The following KCNB2 variants were observed in gnomAD, a reference collection of about 807,000 sequenced individuals.
The protein encoded by KCNB2 is delayed rectifier potassium channel protein.
In KCNB2, 15 loss-of-function variants were observed where a neutral mutation model predicts 61.5. The observed-to-expected ratio is 0.24, with a 90% CI of 0.16 to 0.38. The LOEUF (loss-of-function observed/expected upper bound fraction) is 0.38, where lower values mean the gene tolerates loss of function less well. Among genes scored for constraint, KCNB2 ranks in the 10% least tolerant of loss-of-function variants. The pLI is 1.00. For synonymous variants in KCNB2, 457 were observed against 446.0 expected, an observed-to-expected ratio of 1.02 and a Z score of -0.31; for missense variants, 828 against 1,125.2, an observed-to-expected ratio of 0.74 and a Z score of 3.78.
chr8:72,900,833 T>A (rs761488549), intron 2 of KCNB2, among the ~76,000 whole-genome samples: 4 of 152,020 alleles, frequency 2.6e-5, no homozygotes, highest in Non-Finnish European at 5.9e-5. Context: ...TATTAAAAAG[T>A]CAAATATTAA....
Position 72,552,091 on chromosome 8 carries a change from C to G in KCNB2, c.-94+14206C>G, listed in dbSNP as rs181469105. Among the ~76,000 whole-genome samples the G allele has an allele frequency of 2.2e-3, 338 of 152,172 alleles. 2 individuals are homozygous for G. Among genetic ancestry groups the G allele is most frequent in the Admixed American group, 8.6e-3 (132 of 15,268 alleles). On this transcript the variant is annotated intron_variant, in intron 1 of 2. Transcript: ENST00000523207. Reference sequence around the variant, plus strand: ...ACTCTATATTCTTCTTGACAAGGACCAAGATGGTCCTAAAACCCAAGAGGA... The same window carrying G: ...ACTCTATATTCTTCTTGACAAGGACGAAGATGGTCCTAAAACCCAAGAGGA...
At chr8:72,611,224 G>T (rs1029668065) in intron 2 of KCNB2, among the ~76,000 whole-genome samples, 2 of 152,184 alleles carry the variant, frequency 1.3e-5, no homozygotes, top group Non-Finnish European at 2.9e-5. Context: ...TATGGATGAT[G>T]TTAAAATATC....
At chr8:72,792,485 T>C (rs979278662) in intron 2 of KCNB2, among the ~76,000 whole-genome samples, 4 of 152,224 alleles carry the variant, frequency 2.6e-5, no homozygotes, top group African/African-American at 7.2e-5. Context: ...AATGTATTTA[T>C]GTATTTAACA....
intron 2 of KCNB2, among the ~76,000 whole-genome samples, chr8:72,617,346 A>G (rs565624341): frequency 3.3e-5 from 5 of 152,306 alleles, no homozygotes. Flanking sequence ...TGTTGCAGAG[A>G]GAAAAGAAAA....
intron 1 of KCNB2, among the ~76,000 whole-genome samples, chr8:72,553,171 G>A (rs1806371931): frequency 6.6e-6 from 1 of 151,932 alleles, no homozygotes; most frequent in Non-Finnish European, 1.5e-5. Flanking sequence ...CATACATTTT[G>A]GATATTGATC....
chr8:72,907,921 G>A (rs1469352967), intron 2 of KCNB2, among the ~76,000 whole-genome samples: 5 of 152,024 alleles, frequency 3.3e-5, no homozygotes, highest in Non-Finnish European at 7.4e-5. Flanking sequence ...TCCTTTTTGA[G>A]TTAAGGAAAA....
At chr8:72,539,456 C>T (rs566055499) in intron 1 of KCNB2, among the ~76,000 whole-genome samples, 1 of 152,296 alleles carries the variant, frequency 6.6e-6, no homozygotes, top group South Asian at 2.1e-4. Context: ...TTGTTTATCA[C>T]AAATAGAATT....
chr8:72,885,550 T>C (rs1337694879), intron 2 of KCNB2, among the ~76,000 whole-genome samples: 2 of 152,174 alleles, frequency 1.3e-5, no homozygotes, highest in African/African-American at 4.8e-5. Context: ...TTCTAGGAAA[T>C]TATACATTTC....
chr8:72,606,311 C>T (rs1805446008), intron 2 of KCNB2, among the ~76,000 whole-genome samples: 1 of 152,098 alleles, frequency 6.6e-6, no homozygotes, highest in South Asian at 2.1e-4. Context: ...GAATTCTGTA[C>T]ACTTTGATGA....
At chr8:72,809,425 G>A (rs1350457961) in intron 2 of KCNB2, among the ~76,000 whole-genome samples, 1 of 152,042 alleles carries the variant, frequency 6.6e-6, no homozygotes, top group Non-Finnish European at 1.5e-5. Context: ...ACACAAAAGA[G>A]ACAATGTTGA....
chr8:72,584,635 G>A (rs1806975400), intron 2 of KCNB2, among the ~76,000 whole-genome samples: 1 of 152,152 alleles, frequency 6.6e-6, no homozygotes, highest in Admixed American at 6.5e-5. Flanking sequence ...CCGTGCCCTT[G>A]CAGGAACATG....
At chr8:72,675,220 G>T (rs1201095438) in intron 2 of KCNB2, among the ~76,000 whole-genome samples, 1 of 152,128 alleles carries the variant, frequency 6.6e-6, no homozygotes, top group African/African-American at 2.4e-5. Flanking sequence ...TCTTTGCCAA[G>T]AATTTTTTTA....
At chr8:72,549,980 G>A (rs6472696) in intron 1 of KCNB2, among the ~76,000 whole-genome samples, 105,200 of 152,040 alleles carry the variant, frequency 0.69, 36,699 homozygotes, top group African/African-American at 0.73. Context: ...ATTGGTCCAT[G>A]TCTCACTGGG....
intron 1 of KCNB2, among the ~76,000 whole-genome samples, chr8:72,540,253 A>G (rs7824350): frequency 0.5 from 75,942 of 151,968 alleles, 20,679 homozygotes; most frequent in Admixed American, 0.62. Flanking sequence ...AAAACTTGCT[A>G]TCTCTTAAAG....
chr8:72,542,262 CAT>C (rs1806201041), intron 1 of KCNB2, among the ~76,000 whole-genome samples: 1 of 152,086 alleles, frequency 6.6e-6, no homozygotes, highest in South Asian at 2.1e-4. Flanking sequence ...AATATTTAGA[CAT>C]ATCCTCATGA....
At chr8:72,770,112 A>G (rs951788270) in intron 2 of KCNB2, among the ~76,000 whole-genome samples, 43 of 152,336 alleles carry the variant, frequency 2.8e-4, no homozygotes, top group African/African-American at 1.0e-3. Flanking sequence ...CCTTCAAACT[A>G]TAGGAGCACC....
intron 2 of KCNB2, among the ~76,000 whole-genome samples, chr8:72,659,432 G>A (rs1383405256): frequency 6.6e-6 from 1 of 152,176 alleles, no homozygotes; most frequent in Non-Finnish European, 1.5e-5. Context: ...TTGTTGAAAT[G>A]ACAACAAAGA....
intron 2 of KCNB2, among the ~76,000 whole-genome samples, chr8:72,802,680 A>G (rs1809152096): frequency 6.6e-6 from 1 of 152,144 alleles, no homozygotes; most frequent in Non-Finnish European, 1.5e-5. Flanking sequence ...TTCATTCAGC[A>G]TGTTCATGAA....
intron 2 of KCNB2, among the ~76,000 whole-genome samples, chr8:72,646,103 A>G (rs1355726310): frequency 1.3e-5 from 2 of 152,012 alleles, no homozygotes; most frequent in Admixed American, 6.6e-5. Flanking sequence ...TGTTTTTACT[A>G]TTGTTCTATG....
Sources: allele counts gnomAD v4.1 joint callset (sites outside exome capture counted in the v4.1 genomes callset), GRCh38; gene constraint gnomAD v4.1.1; transcripts MANE v1.5; gene names NCBI Gene and HGNC (gene_info 2026-07-23, HGNC 2026-07-21).